The following PI4KA variants were observed in gnomAD, a reference collection of about 807,000 sequenced individuals.
The protein encoded by PI4KA is phosphatidylinositol 4-kinase alpha.
In PI4KA, 122 loss-of-function variants were observed where a neutral mutation model predicts 271.4. That is an observed-to-expected ratio of 0.45 (90% CI 0.39 to 0.52). PI4KA has a LOEUF of 0.52. PI4KA is among the 20% of genes least tolerant of loss of function. PI4KA has a pLI of 0.00. For missense variants in PI4KA, 1,969 were observed against 2,769.1 expected (o/e 0.71, Z 6.48); for synonymous variants, 1,041 against 1,078.8 (o/e 0.96, Z 0.69).
At chr22:20,779,797 T>C (rs745476788) in intron 19 of PI4KA, 2 of 1,614,252 alleles carry the variant, frequency 1.2e-6, no homozygotes, top group Non-Finnish European at 1.7e-6. Flanking sequence ...TCTACTGCGA[T>C]GGGTATGATT....
intron 3 of PI4KA, among the ~76,000 whole-genome samples, chr22:20,832,918 C>T (rs1924379879): frequency 6.6e-6 from 1 of 152,158 alleles, no homozygotes; most frequent in African/African-American, 2.4e-5. Context: ...GGTTAAGAAC[C>T]ACTGCTGGGG....
intron 19 of PI4KA, chr22:20,779,795 G>A (rs200862324): frequency 6.2e-6 from 10 of 1,614,200 alleles, no homozygotes; most frequent in African/African-American, 2.7e-5. Context: ...TTTCTACTGC[G>A]ATGGGTATGA....
intron 1 of PI4KA, among the ~76,000 whole-genome samples, chr22:20,853,791 T>C (rs531713099): frequency 2.6e-5 from 4 of 151,966 alleles, no homozygotes; most frequent in Admixed American, 2.0e-4. Flanking sequence ...AATGGGATCT[T>C]GGTCAGGTTG....
At chr22:20,744,490 T>C (rs1417357934) in intron 30 of PI4KA, 138 bp downstream of exon 30, 1 of 601,434 alleles carries the variant, frequency 1.7e-6, no homozygotes, top group East Asian at 2.8e-5. Context: ...TCCTAAAATG[T>C]GCTCTTTAAA....
intron 36 of PI4KA, among the ~76,000 whole-genome samples, chr22:20,732,110 C>A (rs1038616194): frequency 6.6e-6 from 1 of 151,438 alleles, no homozygotes; most frequent in Non-Finnish European, 1.5e-5. Context: ...GGAGGCAGAG[C>A]TTGCAGTGAG....
intron 17 of PI4KA, among the ~76,000 whole-genome samples, chr22:20,797,067 A>C (rs1935031146): frequency 6.6e-6 from 1 of 152,232 alleles, no homozygotes; most frequent in Non-Finnish European, 1.5e-5. Context: ...GATCACGGGA[A>C]GAGTGAAACA....
intron 23 of PI4KA, among the ~76,000 whole-genome samples, chr22:20,758,170 T>C (rs1385180321): frequency 5.9e-5 from 9 of 151,688 alleles, no homozygotes; most frequent in Admixed American, 3.9e-4. Flanking sequence ...TCGAGACCAT[T>C]CTGGCTAACA....
At chr22:20,857,226 A>G (rs1927709350) in intron 1 of PI4KA, among the ~76,000 whole-genome samples, 1 of 152,232 alleles carries the variant, frequency 6.6e-6, no homozygotes, top group South Asian at 2.1e-4. Flanking sequence ...TAGTGAAAGC[A>G]AGTGATACAG....
intron 18 of PI4KA, among the ~76,000 whole-genome samples, chr22:20,793,650 G>C (rs1934787963): frequency 6.6e-6 from 1 of 152,124 alleles, no homozygotes; most frequent in Non-Finnish European, 1.5e-5. Context: ...GCATAAAAAA[G>C]CTAGGAAGAA....
chr22:20,824,835 G>A (rs1184881655), intron 3 of PI4KA, among the ~76,000 whole-genome samples: 1 of 151,410 alleles, frequency 6.6e-6, no homozygotes, highest in Non-Finnish European at 1.5e-5. Context: ...CTTTTGGGGG[G>A]CCAAGGCAGA....
At chr22:20,826,063 C>T (rs1215715890) in intron 3 of PI4KA, among the ~76,000 whole-genome samples, 2 of 152,164 alleles carry the variant, frequency 1.3e-5, no homozygotes, top group South Asian at 2.1e-4. Flanking sequence ...TGATCTTGGC[C>T]AGGTATGGTG....
At chr22:20,742,421 G>A in intron 31 of PI4KA, 66 bp from the exon 32 acceptor site, 1 of 1,587,454 alleles carries the variant, frequency 6.3e-7, no homozygotes, top group Non-Finnish European at 8.6e-7. Context: ...AGCTTCCCTG[G>A]GCCAACAAGA....
At chr22:20,800,667 C>A (rs1447036570) in intron 14 of PI4KA, among the ~76,000 whole-genome samples, 2 of 149,236 alleles carry the variant, frequency 1.3e-5, no homozygotes, top group African/African-American at 4.9e-5. Flanking sequence ...TCAAGATCAT[C>A]CTGGCTAACA....
Position 20,819,732 on chromosome 22 carries a change from T to C in PI4KA, c.698A>G (p.Asp233Gly). Residue 233 changes from aspartate (D) to glycine (G), a missense_variant, in exon 6 of 55, where the codon GAC becomes GGC. Transcript: ENST00000255882. ...ATTGCTGGGGAGGATGGAGCGGAAG[T>C]CATTAAAGGAACGCCTTCGAACACC... ...LEGVRRRSFNDFRSILPSNLL... is the reference protein window; with the variant it reads ...LEGVRRRSFNGFRSILPSNLL... 2 of 1,613,868 alleles carry C rather than the reference T, an allele frequency of 1.2e-6. No individual in the cohort carries two copies. The highest frequency in any genetic ancestry group is 8.5e-7 in the Non-Finnish European group (1 of 1,179,864).
intron 4 of PI4KA, among the ~76,000 whole-genome samples, 182 bp downstream of exon 4, chr22:20,824,144 C>T (rs1049438454): frequency 1.7e-4 from 26 of 151,146 alleles, no homozygotes; most frequent in African/African-American, 5.3e-4. Context: ...TAAGATAAGA[C>T]TCGAGATCCT....
At chr22:20,853,973 GAGA>G (rs1927292402) in intron 1 of PI4KA, among the ~76,000 whole-genome samples, 1 of 108,464 alleles carries the variant, frequency 9.2e-6, no homozygotes. Context: ...TTAAAGGAAA[GAGA>G]AAAAAAAAAA....
intron 19 of PI4KA, chr22:20,787,827 C>T (rs1269076331): frequency 6.5e-6 from 1 of 154,928 alleles, no homozygotes; most frequent in Non-Finnish European, 1.4e-5. Flanking sequence ...CACTTGAGCA[C>T]CACAATGTGC....
At chr22:20,819,072 G>T (rs550198054) in intron 6 of PI4KA, among the ~76,000 whole-genome samples, 6 of 152,298 alleles carry the variant, frequency 3.9e-5, no homozygotes, top group African/African-American at 1.4e-4. Context: ...TAGAGTTTTG[G>T]TTTTTACACT....
intron 12 of PI4KA, among the ~76,000 whole-genome samples, 177 bp downstream of exon 12, chr22:20,804,123 G>A (rs1364053969): frequency 6.6e-6 from 1 of 151,992 alleles, no homozygotes; most frequent in Admixed American, 6.5e-5. Context: ...ATCCTGCAGG[G>A]GGCAGCCCAC....
Sources: gnomAD v4.1 joint callset for allele counts (sites outside exome capture counted in the v4.1 genomes callset) on GRCh38, gnomAD v4.1.1 for gene constraint, MANE v1.5 for transcripts, NCBI Gene and HGNC (gene_info 2026-07-23, HGNC 2026-07-21) for gene names.